POLI: variants seen among roughly 807,000 people sequenced by gnomAD.
POLI encodes the protein RAD30 homolog B.
A neutral mutation model predicts 51.6 loss-of-function variants in POLI; 58 were observed. That is an observed-to-expected ratio of 1.12 (90% CI 0.91 to 1.40). The LOEUF (loss-of-function observed/expected upper bound fraction) is 1.40, where lower values mean the gene tolerates loss of function less well. Ranked by LOEUF, POLI falls within the 40% of genes most tolerant of loss-of-function variation. POLI has a pLI of 0.00. For synonymous variants in POLI, 322 were observed against 299.7 expected, an observed-to-expected ratio of 1.07 and a Z score of -0.77; for missense variants, 921 against 871.3, an observed-to-expected ratio of 1.06 and a Z score of -0.72.
intron 3 of POLI, among the ~76,000 whole-genome samples, chr18:54,277,140 TC>T: frequency 6.6e-6 from 1 of 152,342 alleles, no homozygotes. Flanking sequence ...AAGTTGTGGT[TC>T]ATCTCTGCCT....
At chr18:54,293,610 A>G in intron 9 of POLI, 39 bp from the exon 10 acceptor site, 1 of 1,351,132 alleles carries the variant, frequency 7.4e-7, no homozygotes, top group Non-Finnish European at 1.0e-6. Flanking sequence ...TTTAAAAGAT[A>G]TCAGATATGT....
intron 9 of POLI, among the ~76,000 whole-genome samples, chr18:54,293,265 T>A (rs552791751): frequency 6.6e-6 from 1 of 152,008 alleles, no homozygotes; most frequent in Non-Finnish European, 1.5e-5. Flanking sequence ...TTTGGAAAAC[T>A]AGCCCTTGAT....
intron 3 of POLI, among the ~76,000 whole-genome samples, chr18:54,313,031 C>T (rs1000449654): frequency 6.6e-6 from 1 of 152,120 alleles, no homozygotes; most frequent in Non-Finnish European, 1.5e-5. Flanking sequence ...TTGCCAATGC[C>T]AATATCGAGA....
intron 3 of POLI, among the ~76,000 whole-genome samples, chr18:54,306,611 C>T (rs2088590203): frequency 6.6e-6 from 1 of 152,150 alleles, no homozygotes; most frequent in South Asian, 2.1e-4. Context: ...GGAGGATTCT[C>T]TCTTTTTCTG....
At chr18:54,270,349 G>C (rs1259346118) in intron 1 of POLI, 2 of 152,304 alleles carry the variant, frequency 1.3e-5, no homozygotes, top group Non-Finnish European at 2.9e-5. Context: ...GATTTTTTTA[G>C]ATCAGGTGTA....
chr18:54,295,478 A>G lies in POLI; in HGVS notation c.*1011A>G. On this transcript the variant is annotated 3_prime_UTR_variant, in exon 10 of 10. Transcript: ENST00000579534. ...GGATGTTTATAGAATATACTAAAGT[A>G]TCCCTCAGCACCAATATGGGAGTAT... is the stretch of plus-strand genomic sequence containing the variant. 2.1e-6 allele frequency: 2 copies of G among 958,650 alleles called. No homozygotes were observed. The highest frequency in any genetic ancestry group is 2.5e-6 in the Non-Finnish European group (2 of 805,514). 59.4% of individuals were successfully genotyped at this position (958,650 alleles called of 1,614,324 possible).
At chr18:54,310,356 T>A (rs1362181974) in intron 3 of POLI, among the ~76,000 whole-genome samples, 4 of 152,232 alleles carry the variant, frequency 2.6e-5, no homozygotes, top group Non-Finnish European at 5.9e-5. Context: ...CAAAGTCTTA[T>A]CTCCTATCTT....
chr18:54,311,645 C>T (rs2088670795), intron 3 of POLI, among the ~76,000 whole-genome samples: 1 of 152,190 alleles, frequency 6.6e-6, no homozygotes, highest in Non-Finnish European at 1.5e-5. Context: ...TTGTCATCAA[C>T]TTTTTTGATA....
chr18:54,309,827 G>T (rs1017870520), intron 3 of POLI, among the ~76,000 whole-genome samples: 2 of 152,182 alleles, frequency 1.3e-5, no homozygotes, highest in African/African-American at 4.8e-5. Context: ...AAGCCACCTC[G>T]CAGTTCCATC....
chr18:54,284,046 A>G (rs371608334), intron 7 of POLI, 33 bp downstream of exon 7: 8 of 824,598 alleles, frequency 9.7e-6, no homozygotes, highest in Admixed American at 7.1e-5. Context: ...AAGTCATCCT[A>G]TGTATTCATT....
Position 54,297,806 on chromosome 18 carries a change from C to A in POLI, c.*3339C>A, listed in dbSNP as rs1219034808. ...TTCCACAAGTTCTTTATTAAATCTC[C>A]AAATTGGATATTATTAGTATTTTAT... On this transcript the variant is annotated 3_prime_UTR_variant, in exon 10 of 10. Transcript: ENST00000579534. The A allele has an allele frequency of 1.0e-6, 1 of 957,592 alleles. No individual in the cohort carries two copies. The highest frequency in any genetic ancestry group is 1.8e-5 in the African/African-American group (1 of 56,640). The allele number at this position is 957,592 out of a possible 1,614,324, so 59.3% of individuals were successfully genotyped here. A position where few individuals can be genotyped will look rare whatever the true frequency, so the allele number is the denominator to read the frequency against.
intron 3 of POLI, among the ~76,000 whole-genome samples, chr18:54,319,458 G>A (rs913330817): frequency 6.6e-6 from 1 of 152,080 alleles, no homozygotes; most frequent in African/African-American, 2.4e-5. Flanking sequence ...TTTATATTTA[G>A]TTAAATATAA....
chr18:54,303,950 C>G (rs530222613), intron 3 of POLI, among the ~76,000 whole-genome samples: 2 of 151,610 alleles, frequency 1.3e-5, no homozygotes, highest in South Asian at 2.1e-4. Context: ...TGTGATGTTC[C>G]CTGCCCTGTG....
chr18:54,279,000 A>G (rs2087374601), intron 4 of POLI, among the ~76,000 whole-genome samples: 6 of 152,194 alleles, frequency 3.9e-5, no homozygotes, highest in Admixed American at 3.9e-4. Context: ...ACTTGTGCTC[A>G]TTTGTAACTT....
intron 3 of POLI, among the ~76,000 whole-genome samples, chr18:54,275,710 T>C (rs1158659181): frequency 2.0e-5 from 3 of 152,230 alleles, no homozygotes; most frequent in African/African-American, 7.2e-5. Flanking sequence ...ATATTTTTGG[T>C]CATTTATGTA....
chr18:54,271,177 G>A, intron 1 of POLI, 183 bp from the exon 2 acceptor site: 3 of 496,156 alleles, frequency 6.0e-6, no homozygotes, highest in Non-Finnish European at 7.1e-6. Flanking sequence ...TAAGAGGACT[G>A]AAGACCCTAC....
chr18:54,305,790 G>A (rs1434589174), intron 3 of POLI, among the ~76,000 whole-genome samples: 2 of 151,110 alleles, frequency 1.3e-5, no homozygotes, highest in South Asian at 4.2e-4. Flanking sequence ...ACAGAGTCTC[G>A]CTCTGTCACC....
intron 3 of POLI, among the ~76,000 whole-genome samples, chr18:54,307,083 A>G (rs143733670): frequency 0.18 from 27,605 of 151,908 alleles, 2,697 homozygotes; most frequent in Middle Eastern, 0.25. Flanking sequence ...TTGTGTCTCT[A>G]TCTCCTTCAG....
At chr18:54,306,413 C>T (rs1259377633) in intron 3 of POLI, among the ~76,000 whole-genome samples, 1 of 152,104 alleles carries the variant, frequency 6.6e-6, no homozygotes, top group African/African-American at 2.4e-5. Flanking sequence ...CCTTGTATCC[C>T]AGGGATGAAG....
Sources: gnomAD v4.1 joint callset for allele counts (sites outside exome capture counted in the v4.1 genomes callset) on GRCh38, gnomAD v4.1.1 for gene constraint, MANE v1.5 for transcripts, NCBI Gene and HGNC (gene_info 2026-07-23, HGNC 2026-07-21) for gene names.